Variants in AP3B1 observed in about 807,000 individuals in gnomAD.
AP3B1 encodes the protein adaptor related protein complex 3 subunit beta 1, also known as AP-3 complex subunit beta-1.
Under a neutral mutation model 132.5 loss-of-function variants are expected in AP3B1, and 61 were observed. That is an observed-to-expected ratio of 0.46 (90% CI 0.37 to 0.57). AP3B1 has a LOEUF of 0.57. Among genes scored for constraint, AP3B1 ranks in the 20% least tolerant of loss-of-function variants. The pLI, the probability that AP3B1 is intolerant of heterozygous loss-of-function variation, is 0.00. For synonymous variants in AP3B1, 388 were observed against 438.3 expected, an observed-to-expected ratio of 0.89 and a Z score of 1.43; for missense variants, 1,120 against 1,289.4, an observed-to-expected ratio of 0.87 and a Z score of 2.01.
intron 22 of AP3B1, among the ~76,000 whole-genome samples, chr5:78,079,215 T>C (rs1749885633): frequency 6.6e-6 from 1 of 150,996 alleles, no homozygotes; most frequent in Non-Finnish European, 1.5e-5. Flanking sequence ...TAAGTTAACA[T>C]TTTTTTTTGA....
intron 16 of AP3B1, 92 bp downstream of exon 16, chr5:78,129,029 C>T (rs1752583009): frequency 2.8e-6 from 3 of 1,055,674 alleles, no homozygotes; most frequent in African/African-American, 3.2e-5. Context: ...TTTATATTTC[C>T]TAAGAGATAA....
intron 13 of AP3B1, among the ~76,000 whole-genome samples, chr5:78,159,071 C>T (rs933550550): frequency 1.3e-5 from 2 of 152,170 alleles, no homozygotes; most frequent in Non-Finnish European, 2.9e-5. Flanking sequence ...GAATGAGATT[C>T]TGCCCTCATC....
At chr5:78,120,956 C>T (rs1178550782) in intron 17 of AP3B1, among the ~76,000 whole-genome samples, 1 of 152,180 alleles carries the variant, frequency 6.6e-6, no homozygotes, top group African/African-American at 2.4e-5. Flanking sequence ...AAGCACTCCT[C>T]AGCAAATGTA....
At chr5:78,110,985 TG>T (rs1483921454) in intron 19 of AP3B1, among the ~76,000 whole-genome samples, 1 of 152,088 alleles carries the variant, frequency 6.6e-6, no homozygotes, top group Non-Finnish European at 1.5e-5. Context: ...CTGGAACTTC[TG>T]GGCTCGAGTA....
At chr5:78,204,911 A>C (rs1745443364) in intron 7 of AP3B1, among the ~76,000 whole-genome samples, 1 of 152,116 alleles carries the variant, frequency 6.6e-6, no homozygotes, top group Non-Finnish European at 1.5e-5. Context: ...TGAATTCAAA[A>C]AGCTGATTGG....
chr5:78,004,663 T>C (rs1746318904), intron 26 of AP3B1, among the ~76,000 whole-genome samples: 1 of 152,216 alleles, frequency 6.6e-6, no homozygotes, highest in East Asian at 1.9e-4. Context: ...CACTTTGAAG[T>C]TGTGTTTTAA....
chr5:78,005,773 T>C (rs1286972869), intron 26 of AP3B1, among the ~76,000 whole-genome samples: 1 of 152,218 alleles, frequency 6.6e-6, no homozygotes, highest in Admixed American at 6.5e-5. Context: ...TCAAAATTGG[T>C]TTGTTTTGGC....
intron 22 of AP3B1, among the ~76,000 whole-genome samples, chr5:78,070,065 A>G (rs194056): frequency 0.27 from 41,402 of 152,012 alleles, 6,325 homozygotes; most frequent in Admixed American, 0.4. Flanking sequence ...AATTGATACT[A>G]GACCCCTTCC....
At chr5:78,284,549 A>G (rs922520855) in intron 1 of AP3B1, among the ~76,000 whole-genome samples, 5 of 152,242 alleles carry the variant, frequency 3.3e-5, no homozygotes, top group Admixed American at 6.5e-5. Context: ...AGCAGGCTCC[A>G]TGCATTGGTA....
At chr5:78,047,541 G>T (rs1211991817) in intron 22 of AP3B1, among the ~76,000 whole-genome samples, 2 of 152,070 alleles carry the variant, frequency 1.3e-5, no homozygotes, top group South Asian at 2.1e-4. Flanking sequence ...ACTTTTTGAT[G>T]GGGTTGTTTG....
intron 22 of AP3B1, among the ~76,000 whole-genome samples, chr5:78,064,992 G>T (rs1488086051): frequency 6.6e-6 from 1 of 152,108 alleles, no homozygotes; most frequent in African/African-American, 2.4e-5. Flanking sequence ...TCCTGCACCG[G>T]CAACTGAGGT....
intron 25 of AP3B1, among the ~76,000 whole-genome samples, chr5:78,018,213 G>C (rs181256875): frequency 2.6e-5 from 4 of 151,994 alleles, no homozygotes; most frequent in African/African-American, 9.6e-5. Flanking sequence ...TGCAATGCTT[G>C]AAACTCATAG....
chr5:78,235,474 A>C (rs1280337476), intron 3 of AP3B1, among the ~76,000 whole-genome samples: 1 of 152,248 alleles, frequency 6.6e-6, no homozygotes, highest in African/African-American at 2.4e-5. Context: ...GGCAAAAAGC[A>C]TAACAATATT....
At chr5:78,176,745 G>C (rs946935471) in intron 9 of AP3B1, among the ~76,000 whole-genome samples, 2 of 152,032 alleles carry the variant, frequency 1.3e-5, no homozygotes, top group African/African-American at 4.8e-5. Context: ...ATTATAAAGA[G>C]GTAAAATCAA....
chr5:78,108,377 TGG>T (rs1268293771), intron 20 of AP3B1, among the ~76,000 whole-genome samples: 23 of 152,334 alleles, frequency 1.5e-4, no homozygotes, highest in South Asian at 2.1e-4. Flanking sequence ...TGTAATTGCA[TGG>T]TATACACCAA....
intron 2 of AP3B1, among the ~76,000 whole-genome samples, chr5:78,260,660 CATA>C (rs1162149854): frequency 6.6e-6 from 1 of 151,776 alleles, no homozygotes; most frequent in African/African-American, 2.4e-5. Context: ...AAAGTGAAAG[CATA>C]ATGAGTGGGA....
At chr5:78,110,064 C>T in intron 20 of AP3B1, 143 bp downstream of exon 20, 1 of 712,054 alleles carries the variant, frequency 1.4e-6, no homozygotes, top group Non-Finnish European at 2.3e-6. Flanking sequence ...TTTAAAGTTT[C>T]TAGCATTTCT....
intron 7 of AP3B1, among the ~76,000 whole-genome samples, chr5:78,191,765 TAAGTG>T (rs1744843626): frequency 6.6e-6 from 1 of 152,132 alleles, no homozygotes; most frequent in Non-Finnish European, 1.5e-5. Context: ...AGCAGATTAT[TAAGTG>T]AAGGGTATCA....
At chr5:78,208,685 T>C (rs182862216) in intron 7 of AP3B1, among the ~76,000 whole-genome samples, 36 of 152,274 alleles carry the variant, frequency 2.4e-4, no homozygotes, top group African/African-American at 8.4e-4. Context: ...GGGGTAGAAC[T>C]GACATTGGGT....
Sources: gnomAD v4.1 joint callset for allele counts (sites outside exome capture counted in the v4.1 genomes callset) on GRCh38, gnomAD v4.1.1 for gene constraint, MANE v1.5 for transcripts, NCBI Gene and HGNC (gene_info 2026-07-23, HGNC 2026-07-21) for gene names.